Variants in AGAP1 observed in about 807,000 individuals in gnomAD.
The protein encoded by AGAP1 is arf-GAP with GTPase, ANK repeat and PH domain-containing protein 1.
AGAP1 carries 29 observed loss-of-function variants against 105.3 expected under a neutral mutation model. The ratio of observed to expected loss-of-function variants is 0.28; its 90% CI spans 0.21 to 0.38. AGAP1 has a LOEUF of 0.38. AGAP1 is among the 10% of genes least tolerant of loss of function. The pLI, the probability that AGAP1 is intolerant of heterozygous loss-of-function variation, is 1.00. For synonymous variants in AGAP1, 509 were observed against 485.9 expected (o/e 1.05, Z -0.63); for missense variants, 998 against 1,165.1 (o/e 0.86, Z 2.09).
chr2:236,102,760 T>C (rs12621505), intron 16 of AGAP1, among the ~76,000 whole-genome samples: 33,195 of 152,056 alleles, frequency 0.22, 4,555 homozygotes, highest in South Asian at 0.36. Context: ...CGATTTTTCC[T>C]GTAAACGTCC....
intron 3 of AGAP1, among the ~76,000 whole-genome samples, chr2:235,730,477 T>TTA (rs1553616002): frequency 8.3e-4 from 103 of 123,872 alleles, no homozygotes; most frequent in African/African-American, 2.5e-3. Flanking sequence ...GTTTACCTTT[T>TTA]AAAAAAAAAA....
chr2:235,943,019 T>C (rs1450208340), intron 12 of AGAP1, among the ~76,000 whole-genome samples: 1 of 152,240 alleles, frequency 6.6e-6, no homozygotes, highest in East Asian at 1.9e-4. Flanking sequence ...TTGTCAAATA[T>C]ATGTGCTGCT....
intron 1 of AGAP1, among the ~76,000 whole-genome samples, chr2:235,638,990 G>A (rs1351970974): frequency 6.6e-6 from 1 of 152,148 alleles, no homozygotes; most frequent in African/African-American, 2.4e-5. Context: ...AATGTCCACT[G>A]GGGGGCAGAA....
In AGAP1 at chr2:236,038,484, G is replaced by A. The variant is rs550659283; in HGVS notation, c.1800+1769G>A. On this transcript the variant is annotated intron_variant, in intron 14 of 17. Coordinates refer to ENST00000304032, the MANE Select transcript of AGAP1 (RefSeq NM_001037131.3). The surrounding 1 kb of genome is among the most constrained non-coding windows in gnomAD (Gnocchi z 4.5). ...TCAGCTCATGCACACACCAGCCTTA[G>A]AATGCTGCCCTCGGCCCTCACTAGG... Among the ~76,000 whole-genome samples, 1 of 152,324 alleles carries A rather than the reference G, an allele frequency of 6.6e-6. No homozygotes were observed. The highest frequency in any genetic ancestry group is 1.9e-4 in the East Asian group (1 of 5,184).
Position 235,977,700 on chromosome 2 carries a change from GT to G in AGAP1, c.1645+9081del, listed in dbSNP as rs1452533065. The stretch of plus-strand genomic sequence containing the variant: ...CCTGGCAATAATGAAACTAGGCAGT[GT>G]TTTATCTCACAGGCAGTGGCGACTT... On this transcript the variant is annotated intron_variant, in intron 13 of 17. Coordinates refer to ENST00000304032, the MANE Select transcript of AGAP1 (RefSeq NM_001037131.3). The surrounding 1 kb of genome is among the most constrained non-coding windows in gnomAD (Gnocchi z 5.2). Among the ~76,000 whole-genome samples, 2 of 152,128 alleles carry G rather than the reference GT, an allele frequency of 1.3e-5. No individual in the cohort carries two copies. The highest frequency in any genetic ancestry group is 4.8e-5 in the African/African-American group (2 of 41,430).
chr2:235,743,143 G>A (rs1290035914), intron 4 of AGAP1, among the ~76,000 whole-genome samples: 2 of 152,232 alleles, frequency 1.3e-5, no homozygotes, highest in African/African-American at 4.8e-5. Context: ...CTCCAGCCTG[G>A]GCGATGGAGC....
chr2:236,059,762 G>T (rs2058139992), intron 16 of AGAP1, among the ~76,000 whole-genome samples: 1 of 152,122 alleles, frequency 6.6e-6, no homozygotes, highest in Non-Finnish European at 1.5e-5. Context: ...TGGGACAACT[G>T]GATATCCACT....
chr2:235,514,174 A>G (rs1942279548), intron 1 of AGAP1, among the ~76,000 whole-genome samples: 1 of 152,178 alleles, frequency 6.6e-6, no homozygotes. Context: ...ACACACACAC[A>G]CACACACACA....
chr2:235,853,631 A>G (rs917734024), intron 9 of AGAP1, among the ~76,000 whole-genome samples: 3 of 152,204 alleles, frequency 2.0e-5, no homozygotes, highest in African/African-American at 7.2e-5. Context: ...ATCAGACAAT[A>G]TGACTGAACA....
intron 13 of AGAP1, among the ~76,000 whole-genome samples, chr2:236,018,243 T>C (rs1412338498): frequency 6.6e-6 from 1 of 152,168 alleles, no homozygotes; most frequent in Non-Finnish European, 1.5e-5. Context: ...GGTGTCTTAA[T>C]GGTATGATCC....
rs1464659383 is a variant in AGAP1, at chr2:235,919,585, A to G, written c.1324+10679A>G. Among the ~76,000 whole-genome samples, 1 of 152,100 alleles carries G rather than the reference A, an allele frequency of 6.6e-6. No homozygotes were observed. Among genetic ancestry groups the G allele is most frequent in the Non-Finnish European group, 1.5e-5 (1 of 68,020 alleles). ...GAAAGCAGAGAAAGAAGTAGTAGTG[A>G]ATACTTCTCAGGATAGAGCTGTGGG... On this transcript the variant is annotated intron_variant, in intron 11 of 17. Coordinates refer to ENST00000304032, the MANE Select transcript of AGAP1 (RefSeq NM_001037131.3). This position sits in a 1 kb window ranked among gnomAD's most constrained non-coding sequence, Gnocchi z 4.1.
In AGAP1 at chr2:235,977,545, C is replaced by T. The variant is rs1048432639; in HGVS notation, c.1645+8922C>T. Among the ~76,000 whole-genome samples, 19 of 152,234 alleles carry T rather than the reference C, an allele frequency of 1.2e-4. No individual in the cohort carries two copies. Among genetic ancestry groups the T allele is most frequent in the African/African-American group, 4.1e-4 (17 of 41,536 alleles). On this transcript the variant is annotated intron_variant, in intron 13 of 17. Coordinates refer to ENST00000304032, the MANE Select transcript of AGAP1 (RefSeq NM_001037131.3). The surrounding 1 kb of genome is among the most constrained non-coding windows in gnomAD (Gnocchi z 5.2). ...ATCTCATGCACGAGGGTGTTTTTCTCGGCCTCTGCAGCCCTCAGATGTTCC... is the reference window on the plus strand; with the variant it reads ...ATCTCATGCACGAGGGTGTTTTTCTTGGCCTCTGCAGCCCTCAGATGTTCC...
chr2:235,941,572 C>A (rs1430335138), intron 12 of AGAP1, among the ~76,000 whole-genome samples: 1 of 152,206 alleles, frequency 6.6e-6, no homozygotes, highest in Non-Finnish European at 1.5e-5. Flanking sequence ...GAAGTCAAGT[C>A]GTGCATGCAT....
chr2:235,865,982 C>T lies in AGAP1; in HGVS notation c.1051-17363C>T, dbSNP rs142244580. On this transcript the variant is annotated intron_variant, in intron 9 of 17. Transcript: ENST00000304032. This position sits in a 1 kb window ranked among gnomAD's most constrained non-coding sequence, Gnocchi z 6.2. The stretch of plus-strand genomic sequence containing the variant: ...TTTCACTTAACGGCATTTTCTGCAG[C>T]TTGAATGAAAGCTGTCTCGATCCAT... Among the ~76,000 whole-genome samples, 5 of 152,276 alleles carry T rather than the reference C, an allele frequency of 3.3e-5. No individual in the cohort carries two copies. Among genetic ancestry groups the T allele is most frequent in the Non-Finnish European group, 5.9e-5 (4 of 68,016 alleles).
rs1171234104 is a variant in AGAP1 at position 235,951,638 on chromosome 2, C to G, written c.1484-16824C>G. On this transcript the variant is annotated intron_variant, in intron 12 of 17. Coordinates refer to ENST00000304032, the MANE Select transcript of AGAP1 (RefSeq NM_001037131.3). The surrounding 1 kb of genome is among the most constrained non-coding windows in gnomAD (Gnocchi z 4.2). Reference sequence around the variant, plus strand: ...ATGTCACCCACCCTGGGGAAGGTGGCTCGTGTCACTACCCTTTGCTACAGC... The same window carrying G: ...ATGTCACCCACCCTGGGGAAGGTGGGTCGTGTCACTACCCTTTGCTACAGC... Among the ~76,000 whole-genome samples, 1 of 152,166 alleles carries G rather than the reference C, an allele frequency of 6.6e-6. No individual in the cohort carries two copies. Among genetic ancestry groups the G allele is most frequent in the African/African-American group, 2.4e-5 (1 of 41,442 alleles).
Position 236,129,568 on chromosome 2 carries a change from A to G in AGAP1, c.*5446A>G, listed in dbSNP as rs1273621728. 1 of 152,198 alleles carries G rather than the reference A, an allele frequency of 6.6e-6. No homozygotes were observed. Among genetic ancestry groups the G allele is most frequent in the Admixed American group, 6.5e-5 (1 of 15,284 alleles). The allele number at this position is 152,198 out of a possible 1,614,324, so 9.4% of individuals were successfully genotyped here. On this transcript the variant is annotated 3_prime_UTR_variant, in exon 18 of 18. Coordinates refer to ENST00000304032, the MANE Select transcript of AGAP1 (RefSeq NM_001037131.3). This position sits in a 1 kb window ranked among gnomAD's most constrained non-coding sequence, Gnocchi z 6.2. ...AGTGGCCAGTGTCCCGTCTGTGATT[A>G]GACAGAAACCCCTGTGGCAGACTCC... is the stretch of plus-strand genomic sequence containing the variant.
chr2:235,509,960 G>A (rs928073800), intron 1 of AGAP1, among the ~76,000 whole-genome samples: 3 of 151,900 alleles, frequency 2.0e-5, no homozygotes, highest in African/African-American at 7.3e-5. Flanking sequence ...TCTCATAAGC[G>A]CACAAACCCT....
At chr2:235,894,970 T>G (rs1158903025) in intron 10 of AGAP1, among the ~76,000 whole-genome samples, 9 of 152,210 alleles carry the variant, frequency 5.9e-5, no homozygotes, top group Admixed American at 2.0e-4. Context: ...CAGTGATTGC[T>G]TGGTAGCTCT....
chr2:235,602,123 A>G (rs1297558261), intron 1 of AGAP1, among the ~76,000 whole-genome samples: 1 of 152,222 alleles, frequency 6.6e-6, no homozygotes, highest in African/African-American at 2.4e-5. Context: ...ATGGCTTTCT[A>G]GCTCAGCACA....
Sources: gnomAD v4.1 joint callset for allele counts (sites outside exome capture counted in the v4.1 genomes callset) on GRCh38, gnomAD v4.1.1 for gene constraint, Gnocchi (gnomAD v3.1) non-coding constraint, MANE v1.5 for transcripts, NCBI Gene and HGNC (gene_info 2026-07-23, HGNC 2026-07-21) for gene names.